Variants in SNED1 observed in about 807,000 individuals in gnomAD.
SNED1 encodes the protein sushi, nidogen and EGF-like domain-containing protein 1.
In SNED1, 81 loss-of-function variants were observed where a neutral mutation model predicts 166.7. That is an observed-to-expected ratio of 0.49 (90% CI 0.41 to 0.58). The LOEUF (loss-of-function observed/expected upper bound fraction) is 0.58. Ranked by LOEUF, SNED1 falls within the 20% of genes least tolerant of loss-of-function variation. SNED1 has a pLI of 0.00. For synonymous variants in SNED1, 762 were observed against 822.0 expected, an observed-to-expected ratio of 0.93 and a Z score of 1.25; for missense variants, 1,604 against 2,000.2, an observed-to-expected ratio of 0.80 and a Z score of 3.78.
chr2:241,058,874 T>C (rs2125152258), intron 16 of SNED1, among the ~76,000 whole-genome samples: 1 of 151,746 alleles, frequency 6.6e-6, no homozygotes, highest in East Asian at 1.9e-4. Flanking sequence ...GGTGTGAACC[T>C]GGGAGGCGGA....
rs2061264658 is a variant in SNED1, at chr2:241,033,958, G to C, written c.642+83G>C. 4.7e-6 allele frequency: 7 copies of C among 1,477,756 alleles called. No homozygotes were observed. In the South Asian group the frequency reaches 9.5e-5, roughly 20 times the overall value. The allele number at this position is 1,477,756 out of a possible 1,614,324, so 91.5% of individuals were successfully genotyped here. ...TGTCATGAGCTGATGAGGTAGGCAG[G>C]GGCTCACCATAGGCAGATCCCCCAG... On this transcript the variant is annotated intron_variant, in intron 3 of 31. Transcript: ENST00000310397.
At chr2:241,007,951 G>C (rs1452146642) in intron 1 of SNED1, among the ~76,000 whole-genome samples, 3 of 152,206 alleles carry the variant, frequency 2.0e-5, no homozygotes, top group Non-Finnish European at 2.9e-5. Context: ...GCCCCACGTG[G>C]GCTCACTGGA....
chr2:241,022,061 C>T (rs1271357146), intron 1 of SNED1, among the ~76,000 whole-genome samples: 1 of 152,174 alleles, frequency 6.6e-6, no homozygotes, highest in Non-Finnish European at 1.5e-5. Flanking sequence ...TAAATCTGCT[C>T]TAGAGTAATG....
At chr2:241,052,519 C>T in intron 15 of SNED1, 51 bp downstream of exon 15, 1 of 1,392,958 alleles carries the variant, frequency 7.2e-7, no homozygotes, top group South Asian at 1.2e-5. Context: ...CAGTGCCAGG[C>T]AGGTGAGATG....
chr2:241,087,827 C>G (rs2125332985), intron 30 of SNED1: 1 of 606,846 alleles, frequency 1.6e-6, no homozygotes. Context: ...TTTTTATTCA[C>G]TCACACCCAG....
intron 8 of SNED1, 109 bp downstream of exon 8, chr2:241,040,522 C>A (rs2061495103): frequency 1.4e-6 from 1 of 701,872 alleles, no homozygotes; most frequent in East Asian, 2.7e-5. Flanking sequence ...TCACCTCACA[C>A]CTGTCTCTGG....
chr2:241,048,236 G>C, intron 8 of SNED1, 79 bp from the exon 9 acceptor site: 1 of 1,452,850 alleles, frequency 6.9e-7, no homozygotes, highest in Non-Finnish European at 9.1e-7. Context: ...AAACCCAAAG[G>C]TGCCATTGGA....
At chr2:241,074,213 A>T (rs35143206) in intron 27 of SNED1, 1 of 151,928 alleles carries the variant, frequency 6.6e-6, no homozygotes, top group Non-Finnish European at 1.5e-5. Context: ...TCTCAAGGAC[A>T]TGTGTACACA....
At chr2:241,000,481 C>T (rs1007706159) in intron 1 of SNED1, among the ~76,000 whole-genome samples, 1 of 152,154 alleles carries the variant, frequency 6.6e-6, no homozygotes, top group Admixed American at 6.5e-5. Context: ...AGCGTTGGCC[C>T]GAGCTGGAGG....
Position 241,030,303 on chromosome 2 carries a change from TCTC to T in SNED1, c.236_238del (p.Ser79del). ...TCCCAGGTGAACAACAACGGGATCA[TCTC>T]CTTCCTGAAGGAGGTTTCTCAGTTC... On this transcript the variant is annotated inframe_deletion, in exon 2 of 32. Transcript: ENST00000310397. 1 of 1,596,022 alleles carries T rather than the reference TCTC, an allele frequency of 6.3e-7. No individual in the cohort carries two copies. The highest frequency in any genetic ancestry group is 8.5e-7 in the Non-Finnish European group (1 of 1,169,660).
chr2:241,057,420 G>A (rs950725197), intron 16 of SNED1, among the ~76,000 whole-genome samples: 1 of 115,160 alleles, frequency 8.7e-6, no homozygotes. Flanking sequence ...TATGCCATAC[G>A]CAGTGGCTCA....
At position 241,044,712 on chromosome 2, in the gene SNED1, C is replaced by G. The variant is rs1348235143; in HGVS notation, c.1274-3603C>G. Among the ~76,000 whole-genome samples the G allele has an allele frequency of 6.5e-4, 99 of 152,324 alleles. 1 individual carries two copies. The highest frequency in any genetic ancestry group is 2.2e-3 in the African/African-American group (92 of 41,572). Reference sequence around the variant, plus strand: ...TGGGGAATCCTCAAGTGCCCTTAAACTGCGAAGGAAGAAACCTTCCTCTCC... The same window carrying G: ...TGGGGAATCCTCAAGTGCCCTTAAAGTGCGAAGGAAGAAACCTTCCTCTCC... On this transcript the variant is annotated intron_variant, in intron 8 of 31. Transcript: ENST00000310397.
At chr2:241,038,907 G>A (rs934396666) in intron 6 of SNED1, among the ~76,000 whole-genome samples, 1 of 152,208 alleles carries the variant, frequency 6.6e-6, no homozygotes, top group African/African-American at 2.4e-5. Flanking sequence ...CTGCTCCTCG[G>A]CTATGCCCCA....
rs771334143 is a variant in SNED1, at chr2:241,050,076, C to T, written c.1735+143C>T. 40 of 724,826 alleles carry T rather than the reference C, an allele frequency of 5.5e-5. 1 individual carries two copies. The highest frequency in any genetic ancestry group is 4.6e-4 in the Middle Eastern group (2 of 4,358). 44.9% of individuals were successfully genotyped at this position (724,826 alleles called of 1,614,324 possible). On this transcript the variant is annotated intron_variant, in intron 12 of 31. Coordinates refer to ENST00000310397, the MANE Select transcript of SNED1 (RefSeq NM_001080437.3). ...GCCTTGCCTGATGTGCTGCTCTGTT[C>T]TGTGTATTTAGAGGTGAGCACCTCA...
intron 7 of SNED1, 44 bp downstream of exon 7, chr2:241,040,232 G>T (rs2125041434): frequency 6.4e-7 from 1 of 1,567,022 alleles, no homozygotes; most frequent in Non-Finnish European, 8.7e-7. Context: ...CCTGCCCGTG[G>T]CCAGGTGCTG....
At chr2:241,023,013 C>A (rs1415606423) in intron 1 of SNED1, among the ~76,000 whole-genome samples, 2 of 152,048 alleles carry the variant, frequency 1.3e-5, no homozygotes, top group Non-Finnish European at 2.9e-5. Flanking sequence ...GTTTTGGCTT[C>A]ATTGATGATT....
intron 16 of SNED1, among the ~76,000 whole-genome samples, chr2:241,057,791 T>C (rs1460106031): frequency 5.3e-5 from 8 of 152,140 alleles, no homozygotes; most frequent in Admixed American, 2.6e-4. Context: ...CAAACACAGC[T>C]TCAGAGGCTT....
At chr2:241,058,717 G>C (rs541033323) in intron 16 of SNED1, among the ~76,000 whole-genome samples, 10 of 152,162 alleles carry the variant, frequency 6.6e-5, no homozygotes, top group Admixed American at 2.6e-4. Flanking sequence ...TTAGGAGGCC[G>C]AGGCAGGCAC....
In SNED1 at chr2:241,069,999, A is replaced by G. The variant is rs747457450; in HGVS notation, c.3387A>G (p.Pro1129=). The part of the protein sequence containing the change: ...SAHVVWDAPT[P]GSLLEAYVIN... ...ACGTGGTCTGGGATGCCCCGACTCC[A>G]GGCAGCTTGCTGGAGGCTTATGTCA... The change falls in exon 24 of 32, where the codon CCA becomes CCG. Residue 1129 remains proline, a synonymous_variant. Transcript: ENST00000310397. The surrounding 1 kb of genome is among the most constrained non-coding windows in gnomAD (Gnocchi z 4.9). The G allele has an allele frequency of 8.1e-6, 13 of 1,612,986 alleles. No individual in the cohort carries two copies. Among genetic ancestry groups the G allele is most frequent in the Non-Finnish European group, 1.1e-5 (13 of 1,179,882 alleles).
Sources: allele counts gnomAD v4.1 joint callset (sites outside exome capture counted in the v4.1 genomes callset), GRCh38; gene constraint gnomAD v4.1.1; non-coding constraint Gnocchi (gnomAD v3.1); transcripts MANE v1.5; gene names NCBI Gene and HGNC (gene_info 2026-07-23, HGNC 2026-07-21).